DOCK6: variants seen among roughly 807,000 people sequenced by gnomAD.
DOCK6 encodes dedicator of cytokinesis protein 6.
Under a neutral mutation model 230.3 loss-of-function variants are expected in DOCK6, and 167 were observed. The observed-to-expected ratio is 0.73, with a 90% CI of 0.64 to 0.82. The LOEUF (loss-of-function observed/expected upper bound fraction) is 0.82, where lower values mean the gene tolerates loss of function less well. Among genes scored for constraint, DOCK6 ranks in the 40% least tolerant of loss-of-function variants. The pLI is 0.00. For missense variants in DOCK6, 2,598 were observed against 2,825.8 expected, an observed-to-expected ratio of 0.92 and a Z score of 1.83; for synonymous variants, 1,148 against 1,185.0, an observed-to-expected ratio of 0.97 and a Z score of 0.64.
At chr19:11,204,176 C>T in intron 40 of DOCK6, 24 bp downstream of exon 40, 1 of 1,453,350 alleles carries the variant, frequency 6.9e-7, no homozygotes, top group Non-Finnish European at 9.3e-7. Flanking sequence ...AGGGTGGGGT[C>T]TGGGGAGGGG....
intron 1 of DOCK6, among the ~76,000 whole-genome samples, chr19:11,255,829 C>A (rs1348402647): frequency 6.6e-6 from 1 of 152,150 alleles, no homozygotes; most frequent in Non-Finnish European, 1.5e-5. Context: ...ATCTGTTGCC[C>A]ACGCTGGAGT....
intron 14 of DOCK6, chr19:11,239,606 C>T: frequency 6.2e-7 from 1 of 1,609,516 alleles, no homozygotes; most frequent in South Asian, 1.1e-5. Flanking sequence ...GCTTCAGTGA[C>T]AGTGCTGTGG....
intron 7 of DOCK6, among the ~76,000 whole-genome samples, chr19:11,246,275 T>C (rs999081779): frequency 6.6e-6 from 1 of 151,862 alleles, no homozygotes; most frequent in Non-Finnish European, 1.5e-5. Context: ...TATGTATGTA[T>C]TTATTTATTA....
At position 11,236,247 on chromosome 19, in the gene DOCK6, G is replaced by T; in HGVS notation, c.2392+99C>A. Reference sequence around the variant, plus strand: ...GGTCATTTTTCAGATGAGAAAAATGGCCAGAGAGGTAAATGGGCTTATAGA... The same window carrying T: ...GGTCATTTTTCAGATGAGAAAAATGTCCAGAGAGGTAAATGGGCTTATAGA... On this transcript the variant is annotated intron_variant, in intron 20 of 47. Transcript: ENST00000294618. This position sits in a 1 kb window ranked among gnomAD's most constrained non-coding sequence, Gnocchi z 5.2. 8.6e-7 allele frequency: 1 copy of T among 1,156,814 alleles called. No homozygotes were observed. The highest frequency in any genetic ancestry group is 1.2e-6 in the Non-Finnish European group (1 of 829,058). The allele number at this position is 1,156,814 out of a possible 1,614,324, so 71.7% of individuals were successfully genotyped here.
At chr19:11,216,405 C>A (rs1352278883) in intron 30 of DOCK6, among the ~76,000 whole-genome samples, 1 of 143,300 alleles carries the variant, frequency 7.0e-6, no homozygotes, top group Non-Finnish European at 1.5e-5. Flanking sequence ...AAAAAAATTT[C>A]TTTTCTTCTT....
rs1182112735 is a variant in DOCK6, at chr19:11,213,204, A to G, written c.4463T>C (p.Leu1488Pro). The G allele has an allele frequency of 1.2e-6, 2 of 1,612,992 alleles. No individual in the cohort carries two copies. Among genetic ancestry groups the G allele is most frequent in the South Asian group, 1.1e-5 (1 of 91,060 alleles). ...GCCGATCTCGAAGTTCTGTCGCATG[A>G]GCAGGTACAGCGAGGCGCTGGCGTG... is the stretch of plus-strand genomic sequence containing the variant. ...RTHASASLYL[L>P]MRQNFEIGHN... The change falls in exon 35 of 48, where the codon CTC becomes CCC. Residue 1488 changes from leucine (L) to proline (P), a missense_variant. Coordinates refer to ENST00000294618, the MANE Select transcript of DOCK6 (RefSeq NM_020812.4).
chr19:11,220,419 G>A (rs1010452284), intron 28 of DOCK6, among the ~76,000 whole-genome samples: 3 of 152,192 alleles, frequency 2.0e-5, no homozygotes, highest in African/African-American at 7.2e-5. Context: ...TAGACTGAGT[G>A]TAAATAAAGC....
At chr19:11,240,082 G>T in intron 14 of DOCK6, 2 of 1,550,232 alleles carry the variant, frequency 1.3e-6, no homozygotes, top group Non-Finnish European at 1.7e-6. Context: ...AAGTCCTTAG[G>T]TACACAAAGA....
At chr19:11,260,935 G>A (rs370512409) in intron 1 of DOCK6, among the ~76,000 whole-genome samples, 3 of 139,678 alleles carry the variant, frequency 2.1e-5, no homozygotes, top group African/African-American at 8.0e-5. Flanking sequence ...GAAAGAAAAA[G>A]AAACAGACAG....
At chr19:11,215,029 G>A (rs1316856242) in intron 32 of DOCK6, among the ~76,000 whole-genome samples, 3 of 150,150 alleles carry the variant, frequency 2.0e-5, no homozygotes, top group African/African-American at 7.4e-5. Context: ...TGTAAGCTCC[G>A]CCTCCCGGGT....
rs952003205 is a variant in DOCK6 at position 11,262,455 on chromosome 19, GCCGCCGCCGCCCCGGGCCCCGGCC to G, written c.-39_-16del. On this transcript the variant is annotated 5_prime_UTR_variant, in exon 1 of 48. Transcript: ENST00000294618. ...GAGGCAGCCATGGTCCTCGCGTCCC[GCCGCCGCCGCCCCGGGCCCCGGCC>G]CCGCCGCCGCCGCCGCCTCCCGGTT... 6.8e-5 allele frequency: 78 copies of G among 1,143,254 alleles called. No individual in the cohort carries two copies. The highest frequency in any genetic ancestry group is 1.7e-4 in the South Asian group (4 of 23,572). The allele number at this position is 1,143,254 out of a possible 1,614,324, so 70.8% of individuals were successfully genotyped here. A position where few individuals can be genotyped will look rare whatever the true frequency, so the allele number is the denominator to read the frequency against.
intron 23 of DOCK6, chr19:11,228,718 C>T (rs2079712489): frequency 6.7e-6 from 3 of 448,932 alleles, no homozygotes; most frequent in Non-Finnish European, 1.2e-5. Flanking sequence ...TGCCACCACT[C>T]CTGGCTAATT....
In DOCK6 at chr19:11,252,261, G is replaced by A. The variant is rs770644176; in HGVS notation, c.378-13C>T. Reference sequence around the variant, plus strand: ...CAGGTACTGATACCTAGCAGGAAACGGGGCTGGGCAGGTAGGGAGGGCTGA... The same window carrying A: ...CAGGTACTGATACCTAGCAGGAAACAGGGCTGGGCAGGTAGGGAGGGCTGA... On this transcript the variant is annotated splice_polypyrimidine_tract_variant and intron_variant, in intron 4 of 47. Transcript: ENST00000294618. The A allele has an allele frequency of 8.9e-6, 14 of 1,579,854 alleles. No homozygotes were observed. Among genetic ancestry groups the A allele is most frequent in the Admixed American group, 7.4e-5 (4 of 53,924 alleles).
At position 11,249,366 on chromosome 19, in the gene DOCK6, C is replaced by A. The variant is rs531658031; in HGVS notation, c.721-1215G>T. ...TCTCTACTAAAAATACAAAAATTAG[C>A]CAGGCATAGTGGCACGTGCCTGTAG... On this transcript the variant is annotated intron_variant, in intron 6 of 47. Transcript: ENST00000294618. Among the ~76,000 whole-genome samples, 12 of 151,456 alleles carry A rather than the reference C, an allele frequency of 7.9e-5. No homozygotes were observed. The South Asian group carries it at 1.9e-3, about 24-fold the overall frequency.
Position 11,200,819 on chromosome 19 carries a change from G to A in DOCK6, c.5836C>T (p.Pro1946Ser), listed in dbSNP as rs1421288134. The A allele has an allele frequency of 1.2e-6, 2 of 1,612,640 alleles. No individual in the cohort carries two copies. The highest frequency in any genetic ancestry group is 1.7e-6 in the Non-Finnish European group (2 of 1,178,834). Residue 1946 changes from proline (P) to serine (S), a missense_variant, in exon 46 of 48, where the codon CCC (proline) becomes TCC (serine). Pro to Ser is a moderately conservative substitution (Grantham distance 74). Coordinates refer to ENST00000294618, the MANE Select transcript of DOCK6 (RefSeq NM_020812.4). The surrounding 1 kb of genome is among the most constrained non-coding windows in gnomAD (Gnocchi z 4.3). ...AAAAACACCTGGGCCACCTCCAGGG[G>A]ACCCTGTGGGGTGAGAGGGACTGGT... ...GSVGPTVNQG[P>S]LEVAQVFLAE...
chr19:11,221,577 A>G (rs1002388073), intron 28 of DOCK6: 6 of 476,652 alleles, frequency 1.3e-5, no homozygotes, highest in Non-Finnish European at 1.5e-5. Flanking sequence ...TCTCCCATCT[A>G]TTGTAGGCTG....
chr19:11,222,660 A>G lies in DOCK6; in HGVS notation c.3240+75T>C. Reference sequence around the variant, plus strand: ...GTCCACCGTGAAAGGGACAGAGATGAGGGAACCATAGGAGATGGACTGAAG... The same window carrying G: ...GTCCACCGTGAAAGGGACAGAGATGGGGGAACCATAGGAGATGGACTGAAG... On this transcript the variant is annotated intron_variant, in intron 26 of 47. Coordinates refer to ENST00000294618, the MANE Select transcript of DOCK6 (RefSeq NM_020812.4). This position sits in a 1 kb window ranked among gnomAD's most constrained non-coding sequence, Gnocchi z 4.0. 2.1e-6 allele frequency: 3 copies of G among 1,432,560 alleles called. No individual in the cohort carries two copies. 88.7% of individuals were successfully genotyped at this position (1,432,560 alleles called of 1,614,324 possible). A position where few individuals can be genotyped will look rare whatever the true frequency, so the allele number is the denominator to read the frequency against.
chr19:11,220,384 C>T (rs1342813767), intron 28 of DOCK6, among the ~76,000 whole-genome samples: 1 of 152,150 alleles, frequency 6.6e-6, no homozygotes, highest in Non-Finnish European at 1.5e-5. Context: ...GCAGATCTTG[C>T]CCTAGAGTCT....
At chr19:11,258,757 TTCTC>T (rs34254024) in intron 1 of DOCK6, among the ~76,000 whole-genome samples, 2 of 147,604 alleles carry the variant, frequency 1.4e-5, no homozygotes, top group African/African-American at 5.0e-5. Context: ...AAACTTTTCT[TTCTC>T]TCTCTTTTTT....
Sources: allele counts gnomAD v4.1 joint callset (sites outside exome capture counted in the v4.1 genomes callset), GRCh38; gene constraint gnomAD v4.1.1; non-coding constraint Gnocchi (gnomAD v3.1); transcripts MANE v1.5; gene names NCBI Gene and HGNC (gene_info 2026-07-23, HGNC 2026-07-21).